TLN2: variants seen among roughly 807,000 people sequenced by gnomAD.
The protein encoded by TLN2 is talin-2.
Under a neutral mutation model 294.7 loss-of-function variants are expected in TLN2, and 118 were observed. The observed-to-expected ratio is 0.40, with a 90% CI of 0.34 to 0.47. The LOEUF (loss-of-function observed/expected upper bound fraction) is 0.47, where lower values mean the gene tolerates loss of function less well. Ranked by LOEUF, TLN2 falls within the 20% of genes least tolerant of loss-of-function variation. TLN2 has a pLI of 0.84. For synonymous variants in TLN2, 1,431 were observed against 1,304.5 expected (o/e 1.10, Z -2.09); for missense variants, 3,083 against 3,282.2 (o/e 0.94, Z 1.48).
intron 1 of TLN2, among the ~76,000 whole-genome samples, chr15:62,540,085 A>T (rs1044521355): frequency 2.0e-5 from 3 of 152,194 alleles, no homozygotes; most frequent in Admixed American, 6.6e-5. Flanking sequence ...CACACCTGTA[A>T]TCCCAGCACT....
chr15:62,705,450 C>T (rs1488467459), intron 19 of TLN2, among the ~76,000 whole-genome samples: 1 of 152,164 alleles, frequency 6.6e-6, no homozygotes, highest in African/African-American at 2.4e-5. Flanking sequence ...TTGACAAAGG[C>T]CTTGTCAGCA....
chr15:62,440,295 G>C (rs1000101756), intron 1 of TLN2, among the ~76,000 whole-genome samples: 1 of 152,050 alleles, frequency 6.6e-6, no homozygotes, highest in East Asian at 1.9e-4. Flanking sequence ...ATTGATTTAT[G>C]GTATGACTTA....
At chr15:62,573,130 G>A (rs2140651160) in intron 1 of TLN2, among the ~76,000 whole-genome samples, 1 of 152,206 alleles carries the variant, frequency 6.6e-6, no homozygotes, top group Non-Finnish European at 1.5e-5. Flanking sequence ...ACCACATCCT[G>A]AGCCAGGTGT....
At chr15:62,650,281 TATTA>T in intron 5 of TLN2, 100 bp downstream of exon 5, 1 of 1,205,714 alleles carries the variant, frequency 8.3e-7, no homozygotes, top group Non-Finnish European at 1.2e-6. Context: ...AAGGGCATCT[TATTA>T]ATAGTTCGAT....
chr15:62,406,280 G>A (rs954240524), intron 1 of TLN2, among the ~76,000 whole-genome samples: 3 of 152,188 alleles, frequency 2.0e-5, no homozygotes, highest in African/African-American at 7.2e-5. Flanking sequence ...TTGTAGAAGG[G>A]CATCTTCTCC....
chr15:62,663,791 C>G (rs757203804), intron 9 of TLN2, among the ~76,000 whole-genome samples: 2 of 151,882 alleles, frequency 1.3e-5, no homozygotes, highest in Non-Finnish European at 2.9e-5. Flanking sequence ...TGAGTAAATG[C>G]TATGTTATTG....
chr15:62,516,085 A>G (rs566103777), intron 1 of TLN2, among the ~76,000 whole-genome samples: 19 of 152,348 alleles, frequency 1.2e-4, no homozygotes, highest in African/African-American at 4.3e-4. Context: ...CATCCAATGC[A>G]ACCATCTCTT....
intron 1 of TLN2, among the ~76,000 whole-genome samples, chr15:62,396,047 C>T (rs764841488): frequency 8.5e-5 from 12 of 140,536 alleles, no homozygotes; most frequent in Non-Finnish European, 1.5e-5. Flanking sequence ...GTTGGCCAGG[C>T]TGGTCTCGAA....
At chr15:62,728,527 G>A (rs1281714321) in intron 28 of TLN2, among the ~76,000 whole-genome samples, 1 of 152,168 alleles carries the variant, frequency 6.6e-6, no homozygotes, top group Non-Finnish European at 1.5e-5. Context: ...TTTCAGCAGT[G>A]TATGGAAGCT....
At chr15:62,701,487 C>G (rs1019000076) in intron 17 of TLN2, among the ~76,000 whole-genome samples, 1 of 152,198 alleles carries the variant, frequency 6.6e-6, no homozygotes, top group African/African-American at 2.4e-5. Flanking sequence ...GCCGGACATA[C>G]TGCAAAGTCT....
At chr15:62,744,276 C>T (rs1240026067) in intron 32 of TLN2, among the ~76,000 whole-genome samples, 5 of 152,168 alleles carry the variant, frequency 3.3e-5, no homozygotes, top group Non-Finnish European at 5.9e-5. Context: ...CCGGGTGTCC[C>T]GCCCTGGTAC....
Position 62,819,604 on chromosome 15 carries a change from C to T in TLN2, c.6860C>T (p.Ala2287Val), listed in dbSNP as rs761771648. ...GGCGCTGTGACAGAGCTCATCCAGG[C>T]GGCGGAAGCCATGAAAGGTAGGCTG... ...VAGAVTELIQ[A>V]AEAMKGTEWV... The change falls in exon 53 of 59, where the codon GCG becomes GTG. Residue 2287 changes from alanine (A) to valine (V), a missense_variant. Ala to Val is a moderately conservative substitution (Grantham distance 64). Coordinates refer to ENST00000636159, the MANE Select transcript of TLN2 (RefSeq NM_015059.3). 1.6e-5 allele frequency: 25 copies of T among 1,611,048 alleles called. No homozygotes were observed. In the East Asian group the frequency reaches 2.0e-4, roughly 13 times the overall value.
chr15:62,599,234 G>C (rs1479035219), intron 2 of TLN2, among the ~76,000 whole-genome samples: 1 of 152,176 alleles, frequency 6.6e-6, no homozygotes, highest in East Asian at 1.9e-4. Flanking sequence ...GCTTTAGTGA[G>C]GTCAAGTCTA....
chr15:62,760,447 T>A (rs989727278), intron 37 of TLN2, among the ~76,000 whole-genome samples: 3 of 152,104 alleles, frequency 2.0e-5, no homozygotes, highest in African/African-American at 7.2e-5. Flanking sequence ...TTTTTTTTTA[T>A]CCCAATTGTC....
At chr15:62,671,477 C>T (rs931022709) in intron 9 of TLN2, among the ~76,000 whole-genome samples, 5 of 152,054 alleles carry the variant, frequency 3.3e-5, no homozygotes, top group Admixed American at 6.5e-5. Context: ...GTAGGGGGTC[C>T]AATTTCTGTC....
At chr15:62,520,490 A>G (rs2040402385) in intron 1 of TLN2, among the ~76,000 whole-genome samples, 1 of 152,250 alleles carries the variant, frequency 6.6e-6, no homozygotes, top group African/African-American at 2.4e-5. Flanking sequence ...CTAAGGGGTT[A>G]GAAAAGATAA....
intron 41 of TLN2, 66 bp from the exon 42 acceptor site, chr15:62,770,898 G>A: frequency 6.5e-7 from 1 of 1,538,634 alleles, no homozygotes. Flanking sequence ...CCTGACTGTG[G>A]AGCCCCTGAA....
At chr15:62,785,577 G>A (rs551030226) in intron 45 of TLN2, among the ~76,000 whole-genome samples, 20 of 151,770 alleles carry the variant, frequency 1.3e-4, no homozygotes, top group Non-Finnish European at 2.4e-4. Flanking sequence ...GCTTGAACCC[G>A]GGAGGTGGAG....
At chr15:62,766,456 G>A in intron 41 of TLN2, 34 bp downstream of exon 41, 1 of 1,574,258 alleles carries the variant, frequency 6.4e-7, no homozygotes, top group Non-Finnish European at 8.7e-7. Flanking sequence ...GCGAGGGTGT[G>A]CGTGTTATCA....
Sources: allele counts gnomAD v4.1 joint callset (sites outside exome capture counted in the v4.1 genomes callset), GRCh38; gene constraint gnomAD v4.1.1; transcripts MANE v1.5; gene names NCBI Gene and HGNC (gene_info 2026-07-23, HGNC 2026-07-21).